The following WWC1 variants were observed in gnomAD, a reference collection of about 807,000 sequenced individuals.
The protein encoded by WWC1 is WW and C2 domain containing 1.
In WWC1, 55 loss-of-function variants were observed where a neutral mutation model predicts 138.4. That is an observed-to-expected ratio of 0.40 (90% CI 0.32 to 0.50). WWC1 has a LOEUF of 0.50. WWC1 is among the 20% of genes least tolerant of loss of function. The pLI, the probability that WWC1 is intolerant of heterozygous loss-of-function variation, is 0.72. For missense variants in WWC1, 1,226 were observed against 1,420.4 expected, an observed-to-expected ratio of 0.86 and a Z score of 2.20; for synonymous variants, 524 against 564.9, an observed-to-expected ratio of 0.93 and a Z score of 1.03.
chr5:168,445,753 C>G (rs1755200385), intron 17 of WWC1, among the ~76,000 whole-genome samples: 1 of 144,362 alleles, frequency 6.9e-6, no homozygotes, highest in Non-Finnish European at 1.5e-5. Context: ...CTATCCAATT[C>G]TGTCAGCCCC....
At chr5:168,342,621 G>A (rs981364985) in intron 1 of WWC1, among the ~76,000 whole-genome samples, 6 of 152,126 alleles carry the variant, frequency 3.9e-5, no homozygotes, top group African/African-American at 1.2e-4. Flanking sequence ...TTGAAGAGTC[G>A]TGGATGACTC....
At chr5:168,407,034 C>T (rs1202739037) in intron 6 of WWC1, among the ~76,000 whole-genome samples, 1 of 152,106 alleles carries the variant, frequency 6.6e-6, no homozygotes, top group Non-Finnish European at 1.5e-5. Context: ...TCAAGAGATT[C>T]TCCCACCTTA....
At chr5:168,297,219 C>T (rs1401311583) in intron 1 of WWC1, among the ~76,000 whole-genome samples, 1 of 152,194 alleles carries the variant, frequency 6.6e-6, no homozygotes, top group Non-Finnish European at 1.5e-5. Flanking sequence ...TTTAACTTTT[C>T]CTAGAACGTA....
chr5:168,468,075 T>G, intron 22 of WWC1, 111 bp downstream of exon 22: 2 of 1,512,044 alleles, frequency 1.3e-6, no homozygotes, highest in Non-Finnish European at 9.0e-7. Context: ...GCACTGGCTT[T>G]CCCTGTAACA....
intron 1 of WWC1, among the ~76,000 whole-genome samples, chr5:168,308,125 G>T (rs1202720187): frequency 6.6e-6 from 1 of 152,148 alleles, no homozygotes; most frequent in Non-Finnish European, 1.5e-5. Flanking sequence ...TGGGTCTTCA[G>T]TCTGAGCCTT....
chr5:168,395,311 G>A lies in WWC1; in HGVS notation c.434-2413G>A, dbSNP rs569599707. On this transcript the variant is annotated intron_variant, in intron 3 of 22. Transcript: ENST00000265293. Reference sequence around the variant, plus strand: ...TCCTAGAACAGACGTCCCCCGCTCCGCCCCACACCCCTTGAGGACGTTTCT... The same window carrying A: ...TCCTAGAACAGACGTCCCCCGCTCCACCCCACACCCCTTGAGGACGTTTCT... Among the ~76,000 whole-genome samples, 21 of 152,238 alleles carry A rather than the reference G, an allele frequency of 1.4e-4. No homozygotes were observed. In the South Asian group the frequency reaches 3.7e-3, roughly 27 times the overall value.
chr5:168,447,054 G>C (rs1755341629), intron 17 of WWC1, among the ~76,000 whole-genome samples: 1 of 152,190 alleles, frequency 6.6e-6, no homozygotes, highest in Non-Finnish European at 1.5e-5. Context: ...AAAGCTCCCT[G>C]GGTGATTCTA....
At position 168,422,020 on chromosome 5, in the gene WWC1, C is replaced by T. The variant is rs1329423678; in HGVS notation, c.1197C>T (p.Asn399=). 13 of 1,611,692 alleles carry T rather than the reference C, an allele frequency of 8.1e-6. No individual in the cohort carries two copies. Among genetic ancestry groups the T allele is most frequent in the Non-Finnish European group, 1.1e-5 (13 of 1,178,674 alleles). The change falls in exon 10 of 23, where the codon AAC becomes AAT. Residue 399 remains asparagine (N), a synonymous_variant. Coordinates refer to ENST00000265293, the MANE Select transcript of WWC1 (RefSeq NM_015238.3). ...TCTCTCCTTCCAGGTTAAAGTTAAA[C>T]AGTAAGAGGAACCAGCTTGTGAGAG... ...SKALTERLKL[N]SKRNQLVREL...
At chr5:168,297,640 A>AG (rs565671447) in intron 1 of WWC1, among the ~76,000 whole-genome samples, 223 of 151,876 alleles carry the variant, frequency 1.5e-3, no homozygotes, top group African/African-American at 4.9e-3. Context: ...AAAAAAAAAA[A>AG]AAAAAAAGAA....
In WWC1 at chr5:168,467,946, C is replaced by G. The variant is rs779118196; in HGVS notation, c.3257C>G (p.Pro1086Arg). Residue 1086 changes from proline to arginine, a missense_variant, in exon 22 of 23, where the codon CCA becomes CGA. By Grantham distance (103) the Pro-to-Arg change is moderately radical (BLOSUM62 -2). Coordinates refer to ENST00000265293, the MANE Select transcript of WWC1 (RefSeq NM_015238.3). ...CGAGGCCAGAGCTGTAAGGAACCCCCAGAAGTTCAGTCTTTCAGGTAAGCA... is the reference window on the plus strand; with the variant it reads ...CGAGGCCAGAGCTGTAAGGAACCCCGAGAAGTTCAGTCTTTCAGGTAAGCA... ...RLRGQSCKEP[P>R]EVQSFREKMA... is the part of the protein sequence containing the mutation. 2.5e-6 allele frequency: 4 copies of G among 1,614,236 alleles called. No individual in the cohort carries two copies. The highest frequency in any genetic ancestry group is 3.4e-6 in the Non-Finnish European group (4 of 1,180,044).
At chr5:168,335,953 A>G (rs1477566927) in intron 1 of WWC1, among the ~76,000 whole-genome samples, 2 of 152,182 alleles carry the variant, frequency 1.3e-5, no homozygotes, top group African/African-American at 4.8e-5. Context: ...TGTCACTTAG[A>G]GCAAATCGCT....
chr5:168,385,165 A>T, intron 2 of WWC1, 46 bp from the exon 3 acceptor site: 1 of 1,605,462 alleles, frequency 6.2e-7, no homozygotes, highest in Non-Finnish European at 8.5e-7. Context: ...CCAGCCCAAC[A>T]GATATTTGTG....
chr5:168,406,272 A>G lies in WWC1; in HGVS notation c.665A>G (p.Lys222Arg), dbSNP rs748520314. 1.9e-6 allele frequency: 3 copies of G among 1,614,116 alleles called. No homozygotes were observed. The South Asian group carries it at 3.3e-5, about 18-fold the overall frequency. Residue 222 changes from lysine (K) to arginine (R), a missense_variant, in exon 6 of 23, where the codon AAA (lysine) becomes AGA (arginine). Coordinates refer to ENST00000265293, the MANE Select transcript of WWC1 (RefSeq NM_015238.3). ...DEAQAVLRET[K>R]AIKKAITCGE... ...GCTCAGGCTGTCTTGAGAGAAACAA[A>G]AGCCATCAAAAAGGCTATTACCTGT...
intron 1 of WWC1, among the ~76,000 whole-genome samples, chr5:168,337,196 C>G (rs1244288791): frequency 6.6e-6 from 1 of 152,152 alleles, no homozygotes; most frequent in African/African-American, 2.4e-5. Context: ...GGTTTTGTAA[C>G]TCTCTCCCCA....
chr5:168,361,591 A>G (rs1775884310), intron 1 of WWC1, among the ~76,000 whole-genome samples: 1 of 152,160 alleles, frequency 6.6e-6, no homozygotes, highest in Admixed American at 6.5e-5. Context: ...CCCAGCACCA[A>G]GCTGATTTGA....
At chr5:168,414,812 C>A in intron 9 of WWC1, 1 of 628,466 alleles carries the variant, frequency 1.6e-6, no homozygotes, top group Non-Finnish European at 2.6e-6. Flanking sequence ...ATCATGCTAC[C>A]AAAAAGTCTG....
chr5:168,312,168 G>T (rs1289437652), intron 1 of WWC1, among the ~76,000 whole-genome samples: 6 of 151,732 alleles, frequency 4.0e-5, no homozygotes, highest in Non-Finnish European at 5.9e-5. Context: ...CAGTGACCGA[G>T]ATTGCACCAT....
At chr5:168,325,674 A>G (rs1288945009) in intron 1 of WWC1, among the ~76,000 whole-genome samples, 1 of 152,228 alleles carries the variant, frequency 6.6e-6, no homozygotes, top group Non-Finnish European at 1.5e-5. Flanking sequence ...TATACATAAC[A>G]TAAAATTAAT....
intron 2 of WWC1, among the ~76,000 whole-genome samples, chr5:168,382,419 G>A (rs766234929): frequency 1.3e-5 from 2 of 152,176 alleles, no homozygotes; most frequent in Non-Finnish European, 2.9e-5. Flanking sequence ...TTGTCATGGT[G>A]GAATTGTGGG....
Sources: allele counts gnomAD v4.1 joint callset (sites outside exome capture counted in the v4.1 genomes callset), GRCh38; gene constraint gnomAD v4.1.1; transcripts MANE v1.5; gene names NCBI Gene and HGNC (gene_info 2026-07-23, HGNC 2026-07-21).